SYT1: variants seen among roughly 807,000 people sequenced by gnomAD.
SYT1 encodes the protein synaptotagmin-1.
A neutral mutation model predicts 44.8 loss-of-function variants in SYT1; 8 were observed. The observed-to-expected ratio is 0.18, with a 90% CI of 0.10 to 0.32. SYT1 has a LOEUF of 0.32. SYT1 is among the 10% of genes least tolerant of loss of function. SYT1 has a pLI of 1.00. For synonymous variants in SYT1, 154 were observed against 188.8 expected (o/e 0.82, Z 1.51); for missense variants, 286 against 509.3 (o/e 0.56, Z 4.22).
chr12:79,390,185 A>G (rs901927786), intron 9 of SYT1, among the ~76,000 whole-genome samples: 18 of 152,154 alleles, frequency 1.2e-4, no homozygotes, highest in East Asian at 7.8e-4. Context: ...CGCCCGCCCC[A>G]GCCTCCCAAA....
intron 2 of SYT1, among the ~76,000 whole-genome samples, chr12:79,037,433 C>A (rs1265692089): frequency 6.6e-6 from 1 of 151,698 alleles, no homozygotes; most frequent in Non-Finnish European, 1.5e-5. Flanking sequence ...TGGCTGCCAA[C>A]AGATGTTTTC....
intron 3 of SYT1, among the ~76,000 whole-genome samples, chr12:79,135,189 G>A (rs190099762): frequency 6.6e-6 from 1 of 151,868 alleles, no homozygotes; most frequent in East Asian, 1.9e-4. Context: ...TGCCATGTTG[G>A]TGTGCTGCAC....
intron 2 of SYT1, among the ~76,000 whole-genome samples, chr12:79,000,310 T>G (rs1913625): frequency 0.065 from 9,496 of 146,384 alleles, 292 homozygotes; most frequent in East Asian, 0.14. Context: ...TTTTTTTTTT[T>G]GTGACAGAGT....
chr12:79,356,781 A>G (rs921732730), intron 9 of SYT1, among the ~76,000 whole-genome samples: 1 of 152,190 alleles, frequency 6.6e-6, no homozygotes, highest in Admixed American at 6.5e-5. Context: ...TAATGAGAGG[A>G]CTTTGTTGAT....
chr12:79,063,720 A>C (rs1875554025), intron 3 of SYT1, among the ~76,000 whole-genome samples: 1 of 152,214 alleles, frequency 6.6e-6, no homozygotes, highest in Non-Finnish European at 1.5e-5. Context: ...AATTGGGTAA[A>C]GAAAATAAGT....
chr12:79,438,643 T>C (rs919354133), intron 9 of SYT1, among the ~76,000 whole-genome samples: 3 of 152,098 alleles, frequency 2.0e-5, no homozygotes, highest in African/African-American at 7.2e-5. Flanking sequence ...CTGGAGCTGA[T>C]CAAGTAATTA....
Position 79,047,339 on chromosome 12 carries a change from T to C in SYT1, c.-41T>C, listed in dbSNP as rs1415757994. 6.6e-6 allele frequency: 1 copy of C among 151,838 alleles called. No individual in the cohort carries two copies. Among genetic ancestry groups the C allele is most frequent in the Non-Finnish European group, 1.5e-5 (1 of 67,784 alleles). The allele number at this position is 151,838 out of a possible 1,614,324, so 9.4% of individuals were successfully genotyped here. A position where few individuals can be genotyped will look rare whatever the true frequency, so the allele number is the denominator to read the frequency against. On this transcript the variant is annotated 5_prime_UTR_variant, in exon 3 of 11. Coordinates refer to ENST00000261205, the MANE Select transcript of SYT1 (RefSeq NM_005639.3). The stretch of plus-strand genomic sequence containing the variant: ...GAAAGAAAGAAAACAAAGAAAAACA[T>C]ACTCCAGAATTCCTAATAGAACAGT...
chr12:78,885,362 A>AGGAAGGAAGGGAGGGAGGGAGGAAG (rs1273654864), intron 1 of SYT1, among the ~76,000 whole-genome samples: 1 of 146,580 alleles, frequency 6.8e-6, no homozygotes, highest in Non-Finnish European at 1.5e-5. Context: ...GAACGAAGGA[A>AGGAAGGAAGGGAGGGAGGGAGGAAG]GGAAGGAAGG....
rs935853987 is a variant in SYT1 at position 78,947,336 on chromosome 12, C to T, written c.-216-30463C>T. Among the ~76,000 whole-genome samples, 5 of 152,136 alleles carry T rather than the reference C, an allele frequency of 3.3e-5. No homozygotes were observed. In the South Asian group the frequency reaches 8.3e-4, roughly 25 times the overall value. On this transcript the variant is annotated intron_variant, in intron 1 of 10. Coordinates refer to ENST00000261205, the MANE Select transcript of SYT1 (RefSeq NM_005639.3). ...GGCAAAGCTCTTTTCCTGAAGGAAACATCACTCATGTTTAGGCTAGATTAT... is the reference window on the plus strand; with the variant it reads ...GGCAAAGCTCTTTTCCTGAAGGAAATATCACTCATGTTTAGGCTAGATTAT...
intron 1 of SYT1, among the ~76,000 whole-genome samples, chr12:78,962,321 T>C (rs1879547601): frequency 6.7e-6 from 1 of 150,328 alleles, no homozygotes; most frequent in Non-Finnish European, 1.5e-5. Context: ...AATCATTCAA[T>C]AGCATTCTTT....
At chr12:78,899,893 G>A (rs979805323) in intron 1 of SYT1, among the ~76,000 whole-genome samples, 2 of 151,988 alleles carry the variant, frequency 1.3e-5, no homozygotes, top group African/African-American at 4.8e-5. Context: ...TTGAAGCAAA[G>A]TCATTAATTT....
intron 1 of SYT1, among the ~76,000 whole-genome samples, chr12:78,882,682 G>T (rs1326007961): frequency 1.3e-5 from 2 of 151,696 alleles, no homozygotes; most frequent in Non-Finnish European, 2.9e-5. Flanking sequence ...AAACTTAAAC[G>T]ATTTTAAAGA....
chr12:78,954,160 A>G (rs142031915), intron 1 of SYT1, among the ~76,000 whole-genome samples: 2 of 152,210 alleles, frequency 1.3e-5, no homozygotes, highest in South Asian at 4.1e-4. Context: ...GAAATGTGTA[A>G]TTAAACATTT....
intron 1 of SYT1, among the ~76,000 whole-genome samples, chr12:78,950,491 T>G (rs1878906525): frequency 6.6e-6 from 1 of 152,032 alleles, no homozygotes; most frequent in Non-Finnish European, 1.5e-5. Context: ...GCCAGGGACT[T>G]TTTCATATAT....
intron 9 of SYT1, among the ~76,000 whole-genome samples, chr12:79,390,542 C>A (rs1326537380): frequency 6.6e-6 from 1 of 151,784 alleles, no homozygotes; most frequent in African/African-American, 2.4e-5. Flanking sequence ...TTCAATTTAC[C>A]CTCTTGTCTC....
chr12:79,215,388 T>C (rs935896161), intron 3 of SYT1, among the ~76,000 whole-genome samples: 8 of 152,164 alleles, frequency 5.3e-5, no homozygotes, highest in African/African-American at 1.9e-4. Context: ...AATTATTTCA[T>C]ACTCATAAAA....
chr12:79,042,358 G>C (rs1235971254), intron 2 of SYT1, among the ~76,000 whole-genome samples: 1 of 150,022 alleles, frequency 6.7e-6, no homozygotes. Flanking sequence ...TCCTGGGAGA[G>C]TGTATGTGTC....
At chr12:79,369,330 G>T (rs917360780) in intron 9 of SYT1, among the ~76,000 whole-genome samples, 3 of 152,032 alleles carry the variant, frequency 2.0e-5, no homozygotes, top group Admixed American at 2.0e-4. Context: ...AAAATTATTA[G>T]CCAGGCATGG....
chr12:79,410,608 A>G (rs1868381483), intron 9 of SYT1, among the ~76,000 whole-genome samples: 1 of 151,984 alleles, frequency 6.6e-6, no homozygotes, highest in South Asian at 2.1e-4. Flanking sequence ...TTCCTCTAGT[A>G]ATAGGCTCCT....
Sources: allele counts gnomAD v4.1 joint callset (sites outside exome capture counted in the v4.1 genomes callset), GRCh38; gene constraint gnomAD v4.1.1; transcripts MANE v1.5; gene names NCBI Gene and HGNC (gene_info 2026-07-23, HGNC 2026-07-21).